ARHGEF28: variants seen among roughly 807,000 people sequenced by gnomAD.
ARHGEF28 encodes the protein 190 kDa guanine nucleotide exchange factor.
Under a neutral mutation model 206.6 loss-of-function variants are expected in ARHGEF28, and 152 were observed. The observed-to-expected ratio is 0.74, with a 90% confidence interval of 0.64 to 0.84. ARHGEF28 has a LOEUF of 0.84. ARHGEF28 is among the 40% of genes least tolerant of loss of function. The pLI is 0.00. For synonymous variants in ARHGEF28, 763 were observed against 776.4 expected, an observed-to-expected ratio of 0.98 and a Z score of 0.29; for missense variants, 2,028 against 2,073.2, an observed-to-expected ratio of 0.98 and a Z score of 0.42.
intron 9 of ARHGEF28, among the ~76,000 whole-genome samples, chr5:73,825,308 A>G (rs534701032): frequency 6.6e-6 from 1 of 152,228 alleles, no homozygotes; most frequent in Admixed American, 6.5e-5. Context: ...AGAGATGAGA[A>G]GAAAGTGAGA....
chr5:73,780,579 A>T, intron 6 of ARHGEF28, 97 bp from the exon 7 acceptor site: 1 of 1,254,338 alleles, frequency 8.0e-7, no homozygotes. Context: ...CCTAGCTCTG[A>T]GATCATTGAT....
intron 2 of ARHGEF28, among the ~76,000 whole-genome samples, chr5:73,707,216 G>T (rs1240824037): frequency 6.6e-6 from 1 of 152,164 alleles, no homozygotes; most frequent in Non-Finnish European, 1.5e-5. Context: ...CTAAGTCCTG[G>T]CTCTTCCTGG....
At chr5:73,921,874 G>C (rs149755602) in intron 35 of ARHGEF28, among the ~76,000 whole-genome samples, 131 of 152,292 alleles carry the variant, frequency 8.6e-4, no homozygotes, top group African/African-American at 3.0e-3. Flanking sequence ...TTAATGACCT[G>C]CTTCCTACCA....
At chr5:73,728,985 G>A (rs779973490) in intron 2 of ARHGEF28, among the ~76,000 whole-genome samples, 3 of 152,170 alleles carry the variant, frequency 2.0e-5, no homozygotes, top group Admixed American at 6.5e-5. Context: ...GATATGATAA[G>A]AGGCCTCATA....
At chr5:73,917,908 G>C (rs150392612) in intron 35 of ARHGEF28, among the ~76,000 whole-genome samples, 255 of 152,264 alleles carry the variant, frequency 1.7e-3, no homozygotes, top group African/African-American at 5.9e-3. Context: ...CTAAGGCTTG[G>C]GTTTGGAGGG....
At chr5:73,688,810 C>T (rs1747628412) in intron 2 of ARHGEF28, among the ~76,000 whole-genome samples, 1 of 152,052 alleles carries the variant, frequency 6.6e-6, no homozygotes, top group Admixed American at 6.6e-5. Context: ...CATGCCACCA[C>T]GTTCAGCTAA....
At chr5:73,753,278 T>A (rs1752120901) in intron 4 of ARHGEF28, 76 bp downstream of exon 4, 1 of 1,418,590 alleles carries the variant, frequency 7.0e-7, no homozygotes, top group African/African-American at 1.4e-5. Flanking sequence ...ATACTGTGTG[T>A]TCCCCTCGGC....
chr5:73,761,894 C>T (rs1255650592), intron 4 of ARHGEF28, among the ~76,000 whole-genome samples: 2 of 151,764 alleles, frequency 1.3e-5, no homozygotes, highest in Non-Finnish European at 2.9e-5. Context: ...TGGGGTGTCG[C>T]TGTATTGCCC....
At position 73,911,357 on chromosome 5, in the gene ARHGEF28, A is replaced by G. The variant is rs1442199772; in HGVS notation, c.4730A>G (p.Asn1577Ser). ...GAAGCTTTAGTACAAATGTCATTTAACACTTTCAACAAACTGAATCCATCA... is the reference window on the plus strand; with the variant it reads ...GAAGCTTTAGTACAAATGTCATTTAGCACTTTCAACAAACTGAATCCATCA... ...INEALVQMSF[N>S]TFNKLNPSVI... Residue 1577 changes from asparagine (N) to serine (S), a missense_variant, in exon 35 of 36, where the codon AAC becomes AGC. Asn to Ser is a conservative substitution (Grantham distance 46). Transcript: ENST00000513042. 1 of 1,613,756 alleles carries G rather than the reference A, an allele frequency of 6.2e-7. No individual in the cohort carries two copies. The highest frequency in any genetic ancestry group is 1.7e-5 in the Admixed American group (1 of 60,006).
At chr5:73,837,709 T>TCC (rs1446090621) in intron 10 of ARHGEF28, among the ~76,000 whole-genome samples, 6 of 151,104 alleles carry the variant, frequency 4.0e-5, no homozygotes, top group East Asian at 1.9e-4. Context: ...CTTTCTTTCT[T>TCC]TCTTCCTTCC....
At chr5:73,836,546 T>TA (rs1757650824) in intron 10 of ARHGEF28, among the ~76,000 whole-genome samples, 1 of 152,182 alleles carries the variant, frequency 6.6e-6, no homozygotes, top group Non-Finnish European at 1.5e-5. Context: ...GTGAGTTCCT[T>TA]ACATATTTTG....
intron 1 of ARHGEF28, chr5:73,627,244 T>C (rs1237957725): frequency 6.6e-6 from 1 of 152,254 alleles, no homozygotes; most frequent in African/African-American, 2.4e-5. Context: ...CCAGGAGTTA[T>C]AGAGGTTCAC....
At chr5:73,919,195 G>T (rs771542961) in intron 35 of ARHGEF28, among the ~76,000 whole-genome samples, 1 of 152,084 alleles carries the variant, frequency 6.6e-6, no homozygotes, top group Non-Finnish European at 1.5e-5. Context: ...GTGATTCAGG[G>T]GTCGCCTGCC....
At chr5:73,789,843 A>G (rs1754367915) in intron 7 of ARHGEF28, among the ~76,000 whole-genome samples, 1 of 152,058 alleles carries the variant, frequency 6.6e-6, no homozygotes, top group African/African-American at 2.4e-5. Flanking sequence ...CAAACTAAGA[A>G]ATCCCAAATC....
rs577510586 is a variant in ARHGEF28 at position 73,853,456 on chromosome 5, C to T, written c.1790+764C>T. On this transcript the variant is annotated intron_variant, in intron 14 of 35. Transcript: ENST00000513042. ...TACTAAAACTTTGAAACGTTTTAAA[C>T]GTTTTAGTATACGGATCAAGATGGG... Among the ~76,000 whole-genome samples, 11 of 152,258 alleles carry T rather than the reference C, an allele frequency of 7.2e-5. No homozygotes were observed. In the South Asian group the frequency reaches 1.2e-3, roughly 17 times the overall value.
chr5:73,712,212 T>C (rs1426653376), intron 2 of ARHGEF28, among the ~76,000 whole-genome samples: 1 of 152,206 alleles, frequency 6.6e-6, no homozygotes, highest in African/African-American at 2.4e-5. Flanking sequence ...AGTTTTATAT[T>C]TATGTTCATG....
chr5:73,890,440 A>G (rs1761556361), intron 26 of ARHGEF28, among the ~76,000 whole-genome samples: 2 of 152,200 alleles, frequency 1.3e-5, no homozygotes, highest in African/African-American at 4.8e-5. Context: ...TCCATAATAG[A>G]ATAAGCCAGA....
At position 73,849,068 on chromosome 5, in the gene ARHGEF28, A is replaced by G. The variant is rs780355890; in HGVS notation, c.1728A>G (p.Thr576=). ...LGKTRLVREL[T]VCSSSEEQRA... is the part of the protein sequence containing the mutation. ...AAACTCGTTTGGTGCGTGAATTAAC[A>G]GTATGCAGTTCAAGTGAAGGTAAGC... Residue 576 remains threonine (T), a synonymous_variant, in exon 13 of 36, where the codon ACA becomes ACG. Transcript: ENST00000513042. 6.4e-7 allele frequency: 1 copy of G among 1,567,220 alleles called. No individual in the cohort carries two copies. Among genetic ancestry groups the G allele is most frequent in the Admixed American group, 1.9e-5 (1 of 53,786 alleles).
chr5:73,785,411 T>G (rs1479370126), intron 7 of ARHGEF28, among the ~76,000 whole-genome samples: 1 of 152,236 alleles, frequency 6.6e-6, no homozygotes, highest in Non-Finnish European at 1.5e-5. Flanking sequence ...TCTCTGGATC[T>G]TATGTCCTCC....
Sources: gnomAD v4.1 joint callset for allele counts (sites outside exome capture counted in the v4.1 genomes callset) on GRCh38, gnomAD v4.1.1 for gene constraint, MANE v1.5 for transcripts, NCBI Gene and HGNC (gene_info 2026-07-23, HGNC 2026-07-21) for gene names.